Variants in NCAPG2 observed in about 807,000 individuals in gnomAD.
NCAPG2 encodes the protein non-SMC condensin II complex subunit G2.
Under a neutral mutation model 141.1 loss-of-function variants are expected in NCAPG2, and 53 were observed. That is an observed-to-expected ratio of 0.38 (90% CI 0.30 to 0.47). NCAPG2 has a LOEUF of 0.47. NCAPG2 is among the 20% of genes least tolerant of loss of function. The pLI is 0.99. For missense variants in NCAPG2, 1,087 were observed against 1,389.0 expected, an observed-to-expected ratio of 0.78 and a Z score of 3.46; for synonymous variants, 499 against 490.7, an observed-to-expected ratio of 1.02 and a Z score of -0.22.
In NCAPG2 at chr7:158,669,116, C is replaced by T. The variant is rs139051425; in HGVS notation, c.1479+2398G>A. Among the ~76,000 whole-genome samples, 992 of 152,254 alleles carry T rather than the reference C, an allele frequency of 6.5e-3. 12 individuals are homozygous for T. Among genetic ancestry groups the T allele is most frequent in the African/African-American group, 0.022 (900 of 41,536 alleles). ...AACATGATCTCGTTCCTTTTTATGG[C>T]GGCATAGTATTCCATAGTATATATG... is the stretch of plus-strand genomic sequence containing the variant. On this transcript the variant is annotated intron_variant, in intron 13 of 27. Coordinates refer to ENST00000356309, the MANE Select transcript of NCAPG2 (RefSeq NM_017760.7).
At chr7:158,703,953 T>G (rs368895943) in intron 1 of NCAPG2, among the ~76,000 whole-genome samples, 1 of 152,132 alleles carries the variant, frequency 6.6e-6, no homozygotes, top group Admixed American at 6.5e-5. Flanking sequence ...CACCCAGGAC[T>G]GAGGGGACTC....
intron 14 of NCAPG2, 107 bp downstream of exon 14, chr7:158,664,421 C>A: frequency 6.7e-7 from 1 of 1,489,100 alleles, no homozygotes; most frequent in Non-Finnish European, 9.2e-7. Flanking sequence ...TTCAGAAATG[C>A]ATTAAAGTAT....
At chr7:158,687,293 A>C in intron 7 of NCAPG2, 55 bp downstream of exon 7, 1 of 1,257,230 alleles carries the variant, frequency 8.0e-7, no homozygotes, top group Admixed American at 2.2e-5. Flanking sequence ...ACCAAATGGA[A>C]TCTTTCAAAA....
At chr7:158,682,606 A>G (rs2129467874) in intron 9 of NCAPG2, among the ~76,000 whole-genome samples, 1 of 152,338 alleles carries the variant, frequency 6.6e-6, no homozygotes, top group East Asian at 1.9e-4. Flanking sequence ...GTCTTTATTC[A>G]CTTGGTTTCT....
chr7:158,694,020 T>C (rs1835285340), intron 2 of NCAPG2, among the ~76,000 whole-genome samples: 1 of 152,110 alleles, frequency 6.6e-6, no homozygotes, highest in African/African-American at 2.4e-5. Flanking sequence ...GGGCATAGAA[T>C]CCAATTAAAG....
chr7:158,680,899 G>A (rs772310954), intron 9 of NCAPG2, 83 bp from the exon 10 acceptor site: 140 of 1,017,486 alleles, frequency 1.4e-4, no homozygotes, highest in Non-Finnish European at 1.9e-4. Flanking sequence ...AGAGCAACAG[G>A]GAGAATTGTT....
chr7:158,652,228 T>A (rs1831544719), intron 23 of NCAPG2, 65 bp downstream of exon 23: 1 of 1,459,116 alleles, frequency 6.9e-7, no homozygotes, highest in Non-Finnish European at 9.4e-7. Flanking sequence ...CTGATGCATC[T>A]GTGTAGGTGT....
intron 23 of NCAPG2, among the ~76,000 whole-genome samples, 169 bp downstream of exon 23, chr7:158,652,124 C>T (rs1831536627): frequency 6.6e-6 from 1 of 152,188 alleles, no homozygotes; most frequent in Non-Finnish European, 1.5e-5. Flanking sequence ...ATGGGGGACT[C>T]CCACACGGAC....
At chr7:158,685,888 C>T (rs1229809227) in intron 8 of NCAPG2, among the ~76,000 whole-genome samples, 2 of 152,154 alleles carry the variant, frequency 1.3e-5, no homozygotes, top group Non-Finnish European at 2.9e-5. Context: ...CTTACACTTA[C>T]AACACATCTT....
intron 19 of NCAPG2, 30 bp from the exon 20 acceptor site, chr7:158,655,485 G>A (rs762607489): frequency 1.3e-6 from 2 of 1,568,166 alleles, no homozygotes; most frequent in South Asian, 1.1e-5. Context: ...AGGGCCACAT[G>A]CTGACTGACA....
intron 4 of NCAPG2, among the ~76,000 whole-genome samples, chr7:158,692,089 G>C (rs1835151618): frequency 6.6e-6 from 1 of 152,204 alleles, no homozygotes; most frequent in African/African-American, 2.4e-5. Context: ...AGGATCACTT[G>C]AGCACAGGAG....
chr7:158,680,503 A>C (rs545427211), intron 10 of NCAPG2, among the ~76,000 whole-genome samples: 23 of 152,368 alleles, frequency 1.5e-4, no homozygotes, highest in Admixed American at 6.5e-5. Context: ...ACTTAAAAAT[A>C]ACTGTGTAGT....
At chr7:158,667,220 C>G in intron 13 of NCAPG2, 1 of 985,496 alleles carries the variant, frequency 1.0e-6, no homozygotes, top group Admixed American at 6.1e-5. Flanking sequence ...TGCCTTCTTC[C>G]TCTGCTCTGG....
At chr7:158,699,914 T>A (rs990876228) in intron 2 of NCAPG2, among the ~76,000 whole-genome samples, 1 of 151,884 alleles carries the variant, frequency 6.6e-6, no homozygotes, top group African/African-American at 2.4e-5. Context: ...ATTTTCCCCA[T>A]AATCTCTCTG....
At chr7:158,643,454 G>C (rs1281703095) in intron 27 of NCAPG2, among the ~76,000 whole-genome samples, 1 of 152,192 alleles carries the variant, frequency 6.6e-6, no homozygotes, top group Non-Finnish European at 1.5e-5. Flanking sequence ...TGGATTACAG[G>C]CATTGAGTTA....
rs2129455427 is a variant in NCAPG2, at chr7:158,633,644, G to A, written c.3381-1927C>T. ...GAGAGTGCTCTCTGTCCACAGACCA[G>A]GTTCCGCCCACCTGTCAGCCCAGCA... On this transcript the variant is annotated intron_variant, in intron 27 of 27. Coordinates refer to ENST00000356309, the MANE Select transcript of NCAPG2 (RefSeq NM_017760.7). This position sits in a 1 kb window ranked among gnomAD's most constrained non-coding sequence, Gnocchi z 4.1. Among the ~76,000 whole-genome samples, 1 of 152,346 alleles carries A rather than the reference G, an allele frequency of 6.6e-6. No homozygotes were observed. The highest frequency in any genetic ancestry group is 2.4e-5 in the African/African-American group (1 of 41,588).
At chr7:158,658,211 G>T in intron 17 of NCAPG2, 127 bp downstream of exon 17, 3 of 731,600 alleles carry the variant, frequency 4.1e-6, no homozygotes, top group Non-Finnish European at 4.1e-6. Flanking sequence ...GAGAGGGAAG[G>T]GCAGAAGGAA....
chr7:158,672,463 C>T (rs1438291141), intron 12 of NCAPG2, among the ~76,000 whole-genome samples: 2 of 149,534 alleles, frequency 1.3e-5, no homozygotes, highest in Admixed American at 6.7e-5. Context: ...CTGCCTCAGC[C>T]CCCCAAGTAG....
At chr7:158,647,842 C>T (rs1470881280) in intron 24 of NCAPG2, among the ~76,000 whole-genome samples, 2 of 152,060 alleles carry the variant, frequency 1.3e-5, no homozygotes, top group African/African-American at 4.8e-5. Context: ...CCACCATGCC[C>T]AGCTAATTTT....
Sources: allele counts gnomAD v4.1 joint callset (sites outside exome capture counted in the v4.1 genomes callset), GRCh38; gene constraint gnomAD v4.1.1; non-coding constraint Gnocchi (gnomAD v3.1); transcripts MANE v1.5; gene names NCBI Gene and HGNC (gene_info 2026-07-23, HGNC 2026-07-21).